MIA2: variants seen among roughly 807,000 people sequenced by gnomAD.
The protein encoded by MIA2 is melanoma inhibitory activity protein 2.
A neutral mutation model predicts 167.8 loss-of-function variants in MIA2; 127 were observed. The observed-to-expected ratio is 0.76, with a 90% CI of 0.66 to 0.88. The LOEUF is 0.88. Among genes scored for constraint, MIA2 ranks in the 40% least tolerant of loss-of-function variants. The pLI is 0.00. For missense variants in MIA2, 1,690 were observed against 1,624.7 expected (o/e 1.04, Z -0.69); for synonymous variants, 552 against 541.9 (o/e 1.02, Z -0.26).
At chr14:39,254,166 C>T (rs1423394526) in intron 6 of MIA2, among the ~76,000 whole-genome samples, 3 of 152,058 alleles carry the variant, frequency 2.0e-5, no homozygotes, top group Admixed American at 2.0e-4. Context: ...CATATTTGAG[C>T]TGATTTTGAA....
intron 23 of MIA2, among the ~76,000 whole-genome samples, chr14:39,376,419 T>A (rs1471663234): frequency 6.7e-6 from 1 of 149,450 alleles, no homozygotes; most frequent in Non-Finnish European, 1.5e-5. Flanking sequence ...ACTAATATTT[T>A]AATATATAAA....
At chr14:39,263,778 C>T (rs1261821323) in intron 6 of MIA2, among the ~76,000 whole-genome samples, 1 of 151,860 alleles carries the variant, frequency 6.6e-6, no homozygotes, top group Non-Finnish European at 1.5e-5. Context: ...ATTACAGGTG[C>T]ACACTACCAT....
intron 10 of MIA2, among the ~76,000 whole-genome samples, chr14:39,292,903 A>G (rs1258763830): frequency 6.6e-6 from 1 of 151,258 alleles, no homozygotes; most frequent in African/African-American, 2.4e-5. Context: ...TTTTTTCTTT[A>G]TAGTGCTTTT....
intron 25 of MIA2, among the ~76,000 whole-genome samples, chr14:39,344,516 G>A (rs2072763793): frequency 6.6e-6 from 1 of 152,216 alleles, no homozygotes; most frequent in East Asian, 1.9e-4. Flanking sequence ...CACATCTCCC[G>A]ACCATTGGGA....
intron 6 of MIA2, among the ~76,000 whole-genome samples, chr14:39,258,453 C>A (rs2054920395): frequency 5.3e-5 from 8 of 152,198 alleles, no homozygotes; most frequent in Admixed American, 5.2e-4. Context: ...TTGTTCCTCT[C>A]TAAAATAGTT....
intron 6 of MIA2, chr14:39,266,055 T>C: frequency 1.0e-6 from 1 of 985,488 alleles, no homozygotes; most frequent in Non-Finnish European, 1.2e-6. Flanking sequence ...GGCCAGTTTT[T>C]GATTTTTTAA....
At chr14:39,355,490 C>G (rs1013498896), downstream of MIA2, among the ~76,000 whole-genome samples, 6 of 152,064 alleles carry the variant, frequency 3.9e-5, no homozygotes, top group East Asian at 3.9e-4. Flanking sequence ...CAATCATGTC[C>G]CCTGCAAACA....
chr14:39,267,069 G>T, intron 6 of MIA2: 1 of 1,063,950 alleles, frequency 9.4e-7, no homozygotes, highest in Non-Finnish European at 1.1e-6. Context: ...AAGAGCAAAC[G>T]ACCCGGACAC....
intron 14 of MIA2, 94 bp from the exon 15 acceptor site, chr14:39,302,030 GTGGAC>G: frequency 7.6e-7 from 1 of 1,322,430 alleles, no homozygotes; most frequent in South Asian, 1.6e-5. Flanking sequence ...TGTTATTTAT[GTGGAC>G]TGATTTTTAA....
intron 25 of MIA2, among the ~76,000 whole-genome samples, chr14:39,345,618 T>A (rs1164403286): frequency 6.6e-6 from 1 of 152,214 alleles, no homozygotes; most frequent in Non-Finnish European, 1.5e-5. Context: ...GGAAAGTTAA[T>A]TTACATATAT....
chr14:39,267,399 G>T, intron 6 of MIA2: 2 of 1,607,378 alleles, frequency 1.2e-6, no homozygotes, highest in African/African-American at 1.3e-5. Flanking sequence ...GTTCTCCGCC[G>T]TTTATTGTGG....
chr14:39,328,949 G>A (rs533117337), intron 25 of MIA2, among the ~76,000 whole-genome samples: 2 of 152,152 alleles, frequency 1.3e-5, no homozygotes, highest in African/African-American at 4.8e-5. Flanking sequence ...GGATATATGG[G>A]CTTTTTTTTG....
At chr14:39,265,882 C>T in intron 6 of MIA2, 1 of 627,610 alleles carries the variant, frequency 1.6e-6, no homozygotes, top group Non-Finnish European at 2.0e-6. Context: ...TTGTGTAATA[C>T]CTTATACCTT....
Position 39,262,623 on chromosome 14 carries a change from A to G in MIA2, c.1887+9452A>G, listed in dbSNP as rs1019655732. ...CCTTGGGCAGTATGGCCATTTTCAC[A>G]ATATTGATTCTTCCTATCCATGAGC... On this transcript the variant is annotated intron_variant, in intron 6 of 28. Coordinates refer to ENST00000640607, the MANE Select transcript of MIA2 (RefSeq NM_001329214.4). 1.6e-4 allele frequency among the ~76,000 whole-genome samples: 25 copies of G among 152,256 alleles called. No homozygotes were observed. The East Asian group carries it at 2.5e-3, about 15-fold the overall frequency.
chr14:39,269,853 G>GT (rs1449799447), intron 6 of MIA2, among the ~76,000 whole-genome samples: 2 of 152,158 alleles, frequency 1.3e-5, no homozygotes, highest in Admixed American at 1.3e-4. Flanking sequence ...AAAATATTCC[G>GT]TTGTGTGACT....
intron 7 of MIA2, among the ~76,000 whole-genome samples, chr14:39,278,817 T>G (rs2058521112): frequency 6.6e-6 from 1 of 152,022 alleles, no homozygotes; most frequent in Admixed American, 6.6e-5. Flanking sequence ...TATTTCAGAG[T>G]CTTTAATATG....
At chr14:39,297,059 G>A (rs1390888046) in intron 13 of MIA2, among the ~76,000 whole-genome samples, 1 of 150,754 alleles carries the variant, frequency 6.6e-6, no homozygotes. Flanking sequence ...TTACAAGCGC[G>A]AGCCACCACG....
downstream of MIA2, among the ~76,000 whole-genome samples, chr14:39,354,853 C>G (rs1248040545): frequency 6.6e-6 from 1 of 152,048 alleles, no homozygotes; most frequent in Non-Finnish European, 1.5e-5. Flanking sequence ...TCAGGTTTGT[C>G]AAAGATGAGA....
At chr14:39,288,438 T>C (rs1473233687) in intron 9 of MIA2, among the ~76,000 whole-genome samples, 6 of 10,322 alleles carry the variant, frequency 5.8e-4, no homozygotes, top group African/African-American at 1.4e-3. Flanking sequence ...TATACATATA[T>C]ATATATATAT....
Sources: allele counts gnomAD v4.1 joint callset (sites outside exome capture counted in the v4.1 genomes callset), GRCh38; gene constraint gnomAD v4.1.1; transcripts MANE v1.5; gene names NCBI Gene and HGNC (gene_info 2026-07-23, HGNC 2026-07-21).